TCERG1L: variants seen among roughly 807,000 people sequenced by gnomAD.
TCERG1L encodes transcription elongation regulator 1 like, also known as transcription elongation regulator 1-like protein.
In TCERG1L, 37 loss-of-function variants were observed where a neutral mutation model predicts 56.3. That is an observed-to-expected ratio of 0.66 (90% CI 0.51 to 0.87). TCERG1L has a LOEUF of 0.87. TCERG1L is among the 40% of genes least tolerant of loss of function. TCERG1L has a pLI of 0.00. For synonymous variants in TCERG1L, 324 were observed against 326.3 expected (o/e 0.99, Z 0.08); for missense variants, 799 against 774.2 (o/e 1.03, Z -0.38).
intron 8 of TCERG1L, among the ~76,000 whole-genome samples, chr10:131,133,841 C>T (rs572407385): frequency 6.6e-6 from 1 of 152,342 alleles, no homozygotes; most frequent in East Asian, 1.9e-4. Flanking sequence ...AGGAGAGCTT[C>T]CCACTGGCTG....
At chr10:131,277,175 G>A (rs1439740477) in intron 3 of TCERG1L, among the ~76,000 whole-genome samples, 1 of 152,146 alleles carries the variant, frequency 6.6e-6, no homozygotes, top group Non-Finnish European at 1.5e-5. Context: ...GCTTGGGAGG[G>A]CGGGGCCACA....
intron 10 of TCERG1L, among the ~76,000 whole-genome samples, chr10:131,098,880 G>A (rs1178993040): frequency 6.6e-6 from 1 of 152,198 alleles, no homozygotes; most frequent in African/African-American, 2.4e-5. Context: ...GTTCGTGCTA[G>A]TCACTTCCTA....
intron 4 of TCERG1L, among the ~76,000 whole-genome samples, chr10:131,197,667 T>C (rs1267068348): frequency 6.6e-6 from 1 of 152,106 alleles, no homozygotes; most frequent in African/African-American, 2.4e-5. Context: ...GGCCCAAAAT[T>C]GAACACGTGC....
chr10:131,276,745 G>C (rs887915005), intron 3 of TCERG1L, among the ~76,000 whole-genome samples: 1 of 152,158 alleles, frequency 6.6e-6, no homozygotes, highest in African/African-American at 2.4e-5. Context: ...TTCTGTTCCT[G>C]AATCTTCCCA....
At chr10:131,106,669 G>A (rs1045999170) in intron 9 of TCERG1L, among the ~76,000 whole-genome samples, 4 of 152,134 alleles carry the variant, frequency 2.6e-5, no homozygotes, top group African/African-American at 2.4e-5. Flanking sequence ...TGGGGCGTAC[G>A]TTTGAGGAAG....
chr10:131,187,803 A>C (rs992575928), intron 4 of TCERG1L, among the ~76,000 whole-genome samples: 3 of 152,034 alleles, frequency 2.0e-5, no homozygotes, highest in African/African-American at 7.2e-5. Flanking sequence ...CCTACTCGGC[A>C]CTCCATCCTG....
intron 5 of TCERG1L, among the ~76,000 whole-genome samples, chr10:131,164,731 T>A (rs554483291): frequency 2.0e-5 from 3 of 152,168 alleles, no homozygotes; most frequent in Non-Finnish European, 4.4e-5. Flanking sequence ...TTAAAAAAAT[T>A]GAAAGTCATC....
At chr10:131,105,622 T>A (rs1384657342) in intron 9 of TCERG1L, among the ~76,000 whole-genome samples, 2 of 152,160 alleles carry the variant, frequency 1.3e-5, no homozygotes, top group African/African-American at 4.8e-5. Flanking sequence ...ACTTATGTAC[T>A]CATCCTTGTA....
chr10:131,175,248 G>A (rs1187117633), intron 4 of TCERG1L, among the ~76,000 whole-genome samples: 6 of 152,226 alleles, frequency 3.9e-5, no homozygotes, highest in Admixed American at 6.5e-5. Context: ...GGATCCGAGG[G>A]TAAAAGGAGT....
At chr10:131,207,043 A>G (rs1413104460) in intron 4 of TCERG1L, among the ~76,000 whole-genome samples, 1 of 152,102 alleles carries the variant, frequency 6.6e-6, no homozygotes, top group African/African-American at 2.4e-5. Flanking sequence ...CTGAGCCTGG[A>G]ATCAGAAAGT....
chr10:131,269,871 C>T lies in TCERG1L; in HGVS notation c.671-9427G>A, dbSNP rs113295899. Among the ~76,000 whole-genome samples, 538 of 152,284 alleles carry T rather than the reference C, an allele frequency of 3.5e-3. 5 individuals are homozygous for T. The highest frequency in any genetic ancestry group is 0.012 in the African/African-American group (510 of 41,556). On this transcript the variant is annotated intron_variant, in intron 3 of 11. Transcript: ENST00000368642. ...CTATCAGCAAGGCACAAGAAAGGGA[C>T]GCACAATAAAGAGAAGTGTGCCTGT...
At chr10:131,230,166 A>G (rs2133508601) in intron 4 of TCERG1L, among the ~76,000 whole-genome samples, 1 of 152,248 alleles carries the variant, frequency 6.6e-6, no homozygotes, top group African/African-American at 2.4e-5. Context: ...CAAAGAGCAG[A>G]GGGGGCAGAG....
At chr10:131,176,839 C>CAGAGAGAT (rs1190319033) in intron 4 of TCERG1L, among the ~76,000 whole-genome samples, 136 of 150,452 alleles carry the variant, frequency 9.0e-4, no homozygotes, top group Middle Eastern at 3.6e-3. Context: ...CGTGTACACA[C>CAGAGAGAT]AGGCACATAG....
Position 131,260,110 on chromosome 10 carries a change from C to A in TCERG1L, c.856+149G>T, listed in dbSNP as rs1267052825. On this transcript the variant is annotated intron_variant, in intron 4 of 11. Transcript: ENST00000368642. This position sits in a 1 kb window ranked among gnomAD's most constrained non-coding sequence, Gnocchi z 5.8. ...TTGCAGGGTCCGAAGTCAAGCAAAG[C>A]CCAAACGGCCCCAGCCGAATGTTTC... The A allele has an allele frequency of 8.2e-7, 1 of 1,226,598 alleles. No individual in the cohort carries two copies. The highest frequency in any genetic ancestry group is 1.6e-5 in the African/African-American group (1 of 64,390). The allele number at this position is 1,226,598 out of a possible 1,614,324, so 76.0% of individuals were successfully genotyped here.
intron 3 of TCERG1L, among the ~76,000 whole-genome samples, chr10:131,294,625 C>T (rs1173558339): frequency 3.3e-5 from 5 of 152,172 alleles, no homozygotes; most frequent in Non-Finnish European, 7.3e-5. Flanking sequence ...CATTTTATCT[C>T]ACCCTTCCAT....
rs560916649 is a variant in TCERG1L, at chr10:131,194,064, C to T, written c.857-27179G>A. On this transcript the variant is annotated intron_variant, in intron 4 of 11. Coordinates refer to ENST00000368642, the MANE Select transcript of TCERG1L (RefSeq NM_174937.4). Reference sequence around the variant, plus strand: ...GCTGATTAATAGCCACACCTCCAACCCCCAGCGGCGTGCCTAGGCTTCCGG... The same window carrying T: ...GCTGATTAATAGCCACACCTCCAACTCCCAGCGGCGTGCCTAGGCTTCCGG... Among the ~76,000 whole-genome samples, 143 of 152,218 alleles carry T rather than the reference C, an allele frequency of 9.4e-4. 1 individual carries two copies. The highest frequency in any genetic ancestry group is 3.3e-3 in the African/African-American group (137 of 41,508).
chr10:131,201,562 G>A (rs1246298201), intron 4 of TCERG1L, among the ~76,000 whole-genome samples: 4 of 152,158 alleles, frequency 2.6e-5, no homozygotes, highest in Non-Finnish European at 5.9e-5. Context: ...CACAATCTTA[G>A]AAGCTCTTAA....
At chr10:131,309,842 A>AAAAAAAAAAAAAAAAAAC (rs1318583514) in intron 1 of TCERG1L, among the ~76,000 whole-genome samples, 1 of 145,992 alleles carries the variant, frequency 6.8e-6, no homozygotes, top group Non-Finnish European at 1.5e-5. Flanking sequence ...GGCAAAAAAA[A>AAAAAAAAAAAAAAAAAAC]AAAAAAAAAA....
At chr10:131,230,578 G>A (rs998234707) in intron 4 of TCERG1L, among the ~76,000 whole-genome samples, 1 of 152,232 alleles carries the variant, frequency 6.6e-6, no homozygotes, top group African/African-American at 2.4e-5. Context: ...TTACAGGAGA[G>A]GCTGAGTCAA....
Sources: gnomAD v4.1 joint callset for allele counts (sites outside exome capture counted in the v4.1 genomes callset) on GRCh38, gnomAD v4.1.1 for gene constraint, Gnocchi (gnomAD v3.1) non-coding constraint, MANE v1.5 for transcripts, NCBI Gene and HGNC (gene_info 2026-07-23, HGNC 2026-07-21) for gene names.